Variants in KCP observed in about 807,000 individuals in gnomAD.
The protein encoded by KCP is kielin/chordin-like protein.
KCP carries 194 observed loss-of-function variants against 212.7 expected under a neutral mutation model. The observed-to-expected ratio is 0.91, with a 90% confidence interval of 0.81 to 1.03. The LOEUF (loss-of-function observed/expected upper bound fraction) is 1.03. Among genes scored for constraint, KCP ranks in the 50% least tolerant of loss-of-function variants. The pLI, the probability that KCP is intolerant of heterozygous loss-of-function variation, is 0.00. For missense variants in KCP, 2,080 were observed against 2,162.5 expected (o/e 0.96, Z 0.76); for synonymous variants, 833 against 865.3 (o/e 0.96, Z 0.65).
intron 24 of KCP, 44 bp downstream of exon 24, chr7:128,886,832 G>T: frequency 1.4e-6 from 2 of 1,390,420 alleles, no homozygotes; most frequent in Non-Finnish European, 2.0e-6. Flanking sequence ...GGGAGGGAGA[G>T]GCGGGGAAGG....
intron 15 of KCP, 29 bp from the exon 16 acceptor site, chr7:128,892,636 G>A (rs367642424): frequency 8.9e-5 from 138 of 1,550,782 alleles, no homozygotes; most frequent in African/African-American, 2.6e-4. Flanking sequence ...GAGAGCAATC[G>A]GGGCATGCCC....
At chr7:128,895,471 G>C (rs1195116599) in intron 8 of KCP, among the ~76,000 whole-genome samples, 3 of 152,222 alleles carry the variant, frequency 2.0e-5, no homozygotes, top group Non-Finnish European at 4.4e-5. Context: ...ATCAGGGTCT[G>C]AGCAGCCAAT....
chr7:128,891,427 C>T, intron 18 of KCP, 24 bp downstream of exon 18: 1 of 1,548,286 alleles, frequency 6.5e-7, no homozygotes, highest in African/African-American at 1.4e-5. Flanking sequence ...CCCCTGGGCG[C>T]CTCCCACCCA....
intron 34 of KCP, 54 bp downstream of exon 34, chr7:128,880,332 G>A: frequency 6.8e-7 from 1 of 1,469,676 alleles, no homozygotes; most frequent in Non-Finnish European, 9.1e-7. Context: ...CAGGATGGCG[G>A]TACCATGTGC....
chr7:128,885,018 C>T, intron 27 of KCP, 79 bp downstream of exon 27: 1 of 1,538,606 alleles, frequency 6.5e-7, no homozygotes. Flanking sequence ...GTCTCTGCCA[C>T]CCGGCCCAGC....
chr7:128,890,592 G>T, intron 20 of KCP, 79 bp from the exon 21 acceptor site: 1 of 1,292,886 alleles, frequency 7.7e-7, no homozygotes. Flanking sequence ...GTTGAGGGGC[G>T]TGGAGGACGG....
intron 22 of KCP, among the ~76,000 whole-genome samples, chr7:128,888,148 A>AGC (rs1793820540): frequency 7.2e-6 from 1 of 139,814 alleles, no homozygotes; most frequent in South Asian, 2.3e-4. Context: ...ACAGGGCCAC[A>AGC]CACACATACA....
intron 23 of KCP, 58 bp downstream of exon 23, chr7:128,887,157 G>T: frequency 1.4e-6 from 2 of 1,432,974 alleles, no homozygotes; most frequent in Non-Finnish European, 9.6e-7. Context: ...CCTCTTCCTG[G>T]CCAGAGAGGA....
intron 29 of KCP, among the ~76,000 whole-genome samples, chr7:128,882,908 C>T (rs564696061): frequency 6.0e-4 from 91 of 152,108 alleles, no homozygotes; most frequent in African/African-American, 2.1e-3. Flanking sequence ...CCCATCTCTA[C>T]TAAAAATACA....
At chr7:128,902,212 TAAAAC>T (rs1003257526) in intron 8 of KCP, among the ~76,000 whole-genome samples, 1 of 152,192 alleles carries the variant, frequency 6.6e-6, no homozygotes, top group African/African-American at 2.4e-5. Context: ...TATTTAAAAG[TAAAAC>T]AAAACAGATG....
In KCP at chr7:128,887,746, TAC is replaced by T. The variant is rs200124412; in HGVS notation, c.2513-448_2513-447del. On this transcript the variant is annotated intron_variant, in intron 22 of 39. Transcript: ENST00000610776. ...ACACACAGCCACACCCACACTCTCA[TAC>T]ACACACACATAAACACACAGCCACA... Among the ~76,000 whole-genome samples, 1,102 of 114,628 alleles carry T rather than the reference TAC, an allele frequency of 9.6e-3. 16 individuals carry two copies. The highest frequency in any genetic ancestry group is 0.036 in the African/African-American group (1,066 of 29,646). The allele number at this position is 114,628 out of a possible 152,430, so 75.2% of individuals were successfully genotyped here. A position where few individuals can be genotyped will look rare whatever the true frequency, so the allele number is the denominator to read the frequency against.
chr7:128,892,670 G>A lies in KCP; in HGVS notation c.1527+18C>T, dbSNP rs900213055. On this transcript the variant is annotated intron_variant, in intron 15 of 39. Coordinates refer to ENST00000610776, the MANE Select transcript of KCP (RefSeq NM_001366122.1). Reference sequence around the variant, plus strand: ...CCAGGAGGGGCTCAGCAGGGCAGCAGCAAGGCTGGGCAGTTACCTGACAGT... The same window carrying A: ...CCAGGAGGGGCTCAGCAGGGCAGCAACAAGGCTGGGCAGTTACCTGACAGT... 3 of 1,551,318 alleles carry A rather than the reference G, an allele frequency of 1.9e-6. No homozygotes were observed. The African/African-American group carries it at 4.1e-5, about 21-fold the overall frequency.
intron 6 of KCP, 40 bp from the exon 7 acceptor site, chr7:128,903,860 C>T (rs908270574): frequency 9.7e-6 from 14 of 1,439,610 alleles, no homozygotes; most frequent in Non-Finnish European, 1.3e-5. Context: ...AGGTCTGGCT[C>T]CCGCAGAGGG....
Position 128,876,930 on chromosome 7 carries a change from C to A in KCP, c.*113G>T. On this transcript the variant is annotated 3_prime_UTR_variant, in exon 40 of 40. Transcript: ENST00000610776. ...GCGGGGGTCTTTGCAGGGCAGGGGC[C>A]CAGGCTCCAGTGTCCAGGCAGGGCA... is the stretch of plus-strand genomic sequence containing the variant. 1 of 1,317,354 alleles carries A rather than the reference C, an allele frequency of 7.6e-7. No individual in the cohort carries two copies. Among genetic ancestry groups the A allele is most frequent in the Non-Finnish European group, 1.0e-6 (1 of 984,164 alleles). The allele number at this position is 1,317,354 out of a possible 1,614,324, so 81.6% of individuals were successfully genotyped here.
At chr7:128,907,002 G>C (rs893993513) in intron 4 of KCP, 99 bp downstream of exon 4, 1 of 1,175,710 alleles carries the variant, frequency 8.5e-7, no homozygotes, top group African/African-American at 1.5e-5. Context: ...GTGGCAGGCA[G>C]AGCCCATTAT....
intron 5 of KCP, among the ~76,000 whole-genome samples, chr7:128,904,742 G>A (rs1795038905): frequency 6.6e-6 from 1 of 152,242 alleles, no homozygotes; most frequent in African/African-American, 2.4e-5. Context: ...CCAAGTAAGA[G>A]ACCCAAAGGA....
At position 128,907,161 on chromosome 7, in the gene KCP, G is replaced by A. The variant is rs1209962841; in HGVS notation, c.426C>T (p.Gly142=). ...LPHCRGCSQN[G]QTYGNGETFS... The stretch of plus-strand genomic sequence containing the variant: ...AGGTCTCCCCGTTGCCGTAGGTCTG[G>A]CCATTTTGGCTGCAGCCTAAGGAGA... Residue 142 remains glycine, a synonymous_variant, in exon 4 of 40, where the codon GGC becomes GGT. Coordinates refer to ENST00000610776, the MANE Select transcript of KCP (RefSeq NM_001366122.1). 6.4e-7 allele frequency: 1 copy of A among 1,551,508 alleles called. No homozygotes were observed. Among genetic ancestry groups the A allele is most frequent in the Non-Finnish European group, 8.7e-7 (1 of 1,146,866 alleles).
Position 128,907,285 on chromosome 7 carries a change from C to T in KCP, c.388G>A (p.Ala130Thr). 1 of 1,535,164 alleles carries T rather than the reference C, an allele frequency of 6.5e-7. No individual in the cohort carries two copies. The highest frequency in any genetic ancestry group is 8.8e-7 in the Non-Finnish European group (1 of 1,133,968). The change falls in exon 3 of 40, where the codon GCA becomes ACA. Residue 130 changes from alanine to threonine, a missense_variant. Transcript: ENST00000610776. The part of the protein sequence containing the change: ...QDGAAHCGPQ[A>T]HLPHCRGCSQ... ...TTACCCCTGCAATGGGGCAGGTGTGCTTGGGGGCCACAGTGAGCGGCCCCA... is the reference window on the plus strand; with the variant it reads ...TTACCCCTGCAATGGGGCAGGTGTGTTTGGGGGCCACAGTGAGCGGCCCCA...
At position 128,893,223 on chromosome 7, in the gene KCP, C is replaced by T. The variant is rs1794288747; in HGVS notation, c.1267+15G>A. 6.5e-7 allele frequency: 1 copy of T among 1,550,286 alleles called. No homozygotes were observed. The highest frequency in any genetic ancestry group is 2.4e-5 in the East Asian group (1 of 40,912). Reference sequence around the variant, plus strand: ...CAGCGCCCATAGCAGCTGCTCCTCCCCCTCTCACACACACCTGGGCAGAGC... The same window carrying T: ...CAGCGCCCATAGCAGCTGCTCCTCCTCCTCTCACACACACCTGGGCAGAGC... On this transcript the variant is annotated intron_variant, in intron 13 of 39. Coordinates refer to ENST00000610776, the MANE Select transcript of KCP (RefSeq NM_001366122.1).
Sources: allele counts gnomAD v4.1 joint callset (sites outside exome capture counted in the v4.1 genomes callset), GRCh38; gene constraint gnomAD v4.1.1; transcripts MANE v1.5; gene names NCBI Gene and HGNC (gene_info 2026-07-23, HGNC 2026-07-21).